RBFOX1: variants seen among roughly 807,000 people sequenced by gnomAD.
RBFOX1 encodes RNA binding fox-1 homolog 1.
A neutral mutation model predicts 57.7 loss-of-function variants in RBFOX1; 8 were observed. The observed-to-expected ratio is 0.14, with a 90% CI of 0.08 to 0.25. The LOEUF is 0.25. RBFOX1 is among the 10% of genes least tolerant of loss of function. The pLI is 1.00. For missense variants in RBFOX1, 611 were observed against 548.5 expected, an observed-to-expected ratio of 1.11 and a Z score of -1.14; for synonymous variants, 326 against 222.4, an observed-to-expected ratio of 1.47 and a Z score of -4.15.
At chr16:7,040,931 G>T (rs373993953) in intron 3 of RBFOX1, among the ~76,000 whole-genome samples, 11 of 150,438 alleles carry the variant, frequency 7.3e-5, no homozygotes, top group South Asian at 2.1e-4. Flanking sequence ...TTTTTGCTGG[G>T]GGGGGAAGGA....
At chr16:5,952,605 C>T (rs113201604) in intron 4 of RBFOX1, among the ~76,000 whole-genome samples, 1,564 of 152,210 alleles carry the variant, frequency 0.01, 25 homozygotes, top group African/African-American at 0.036. Flanking sequence ...TATTTTTGTT[C>T]TTATGTTATT....
chr16:5,334,970 C>T (rs2064858570), intron 1 of RBFOX1, among the ~76,000 whole-genome samples: 1 of 152,080 alleles, frequency 6.6e-6, no homozygotes, highest in Admixed American at 6.5e-5. Flanking sequence ...GTAGTATAGA[C>T]TTCAAGTAGA....
At chr16:7,335,926 T>A (rs2096778498) in intron 4 of RBFOX1, among the ~76,000 whole-genome samples, 1 of 152,190 alleles carries the variant, frequency 6.6e-6, no homozygotes, top group Non-Finnish European at 1.5e-5. Flanking sequence ...GCTGAACCTG[T>A]CTGGACTGTC....
At chr16:6,724,460 G>A (rs140089120) in intron 3 of RBFOX1, among the ~76,000 whole-genome samples, 14 of 151,900 alleles carry the variant, frequency 9.2e-5, no homozygotes, top group Admixed American at 7.9e-4. Context: ...CACCCACCTC[G>A]TCCTCCCAAA....
chr16:6,796,333 A>G (rs1438335868), intron 3 of RBFOX1, among the ~76,000 whole-genome samples: 1 of 152,150 alleles, frequency 6.6e-6, no homozygotes, highest in Non-Finnish European at 1.5e-5. Context: ...TCAAGACGAC[A>G]TGTGAGTGGG....
intron 1 of RBFOX1, among the ~76,000 whole-genome samples, chr16:6,188,157 A>G (rs2152804336): frequency 6.6e-6 from 1 of 152,250 alleles, no homozygotes. Context: ...TCTTCTATGT[A>G]TGCTCAGTTG....
intron 3 of RBFOX1, among the ~76,000 whole-genome samples, chr16:5,738,918 A>C (rs143916447): frequency 7.1e-4 from 108 of 152,338 alleles, no homozygotes; most frequent in African/African-American, 2.6e-3. Context: ...GGATGAACTC[A>C]AAGCAAAATT....
rs558696211 is a variant in RBFOX1, at chr16:6,902,733, G to C, written c.-15-149324G>C. Among the ~76,000 whole-genome samples, 14 of 152,276 alleles carry C rather than the reference G, an allele frequency of 9.2e-5. No homozygotes were observed. In the South Asian group the frequency reaches 2.9e-3, roughly 32 times the overall value. On this transcript the variant is annotated intron_variant, in intron 3 of 15. Coordinates refer to ENST00000550418, the MANE Select transcript of RBFOX1 (RefSeq NM_018723.4). Reference sequence around the variant, plus strand: ...CAAGACTCCATGTAGAGAACAGGAAGAAGTGGTTTCCATACACATCAAGTT... The same window carrying C: ...CAAGACTCCATGTAGAGAACAGGAACAAGTGGTTTCCATACACATCAAGTT...
At chr16:6,736,806 C>G (rs902735375) in intron 3 of RBFOX1, among the ~76,000 whole-genome samples, 1 of 152,152 alleles carries the variant, frequency 6.6e-6, no homozygotes, top group Admixed American at 6.5e-5. Context: ...GTATGGAATG[C>G]TGTATTCATA....
intron 4 of RBFOX1, among the ~76,000 whole-genome samples, chr16:7,407,404 G>A (rs9940836): frequency 7.0e-6 from 1 of 143,404 alleles, no homozygotes; most frequent in Admixed American, 6.8e-5. Flanking sequence ...GTGTGTGTGT[G>A]TATGTGTGTG....
intron 2 of RBFOX1, among the ~76,000 whole-genome samples, chr16:6,624,407 A>G (rs72762952): frequency 2.0e-3 from 298 of 152,216 alleles, no homozygotes; most frequent in Middle Eastern, 3.4e-3. Context: ...AGTATCCTTC[A>G]TTATATATGT....
intron 3 of RBFOX1, among the ~76,000 whole-genome samples, chr16:6,977,951 A>AAAAAAAAAAAG (rs2087545758): frequency 6.7e-6 from 1 of 149,926 alleles, no homozygotes; most frequent in Non-Finnish European, 1.5e-5. Context: ...AAAAAAAAAA[A>AAAAAAAAAAAG]GGCAAACCTC....
intron 1 of RBFOX1, chr16:5,261,110 G>A (rs1479886422): frequency 6.6e-6 from 1 of 152,114 alleles, no homozygotes; most frequent in Non-Finnish European, 1.5e-5. Context: ...TTAAAACCAC[G>A]TTTCAATTTT....
intron 3 of RBFOX1, among the ~76,000 whole-genome samples, chr16:5,711,763 A>G (rs1339274724): frequency 3.9e-5 from 6 of 152,308 alleles, no homozygotes; most frequent in African/African-American, 1.4e-4. Flanking sequence ...TTTTGAGGAA[A>G]ATTGCTGTAA....
Position 7,712,333 on chromosome 16 carries a change from C to T in RBFOX1, c.*1588C>T, listed in dbSNP as rs1323747902. Reference sequence around the variant, plus strand: ...CCCGCACTTCAGTAAGTTATCAACTCTCACCGCTGTGAACCTGCCAATCCG... The same window carrying T: ...CCCGCACTTCAGTAAGTTATCAACTTTCACCGCTGTGAACCTGCCAATCCG... On this transcript the variant is annotated 3_prime_UTR_variant, in exon 16 of 16. Transcript: ENST00000550418. 1 of 152,632 alleles carries T rather than the reference C, an allele frequency of 6.6e-6. No individual in the cohort carries two copies. The highest frequency in any genetic ancestry group is 1.5e-5 in the Non-Finnish European group (1 of 68,064). The allele number at this position is 152,632 out of a possible 1,614,324, so 9.5% of individuals were successfully genotyped here.
At chr16:6,815,315 G>C (rs987230490) in intron 3 of RBFOX1, among the ~76,000 whole-genome samples, 5 of 152,116 alleles carry the variant, frequency 3.3e-5, no homozygotes, top group South Asian at 2.1e-4. Flanking sequence ...AGGTCTTTGT[G>C]CCCCGTATTG....
At chr16:6,537,923 G>C (rs1383394088) in intron 2 of RBFOX1, among the ~76,000 whole-genome samples, 1 of 151,612 alleles carries the variant, frequency 6.6e-6, no homozygotes, top group Non-Finnish European at 1.5e-5. Flanking sequence ...GGCCTAAAGA[G>C]CAAGATTTTT....
chr16:7,560,940 C>G (rs1412003984), intron 5 of RBFOX1, among the ~76,000 whole-genome samples: 2 of 152,132 alleles, frequency 1.3e-5, no homozygotes, highest in East Asian at 3.9e-4. Context: ...AATTATGTAT[C>G]CAAATGTTTT....
chr16:7,187,143 T>C (rs991668507), intron 4 of RBFOX1, among the ~76,000 whole-genome samples: 2 of 151,862 alleles, frequency 1.3e-5, no homozygotes, highest in African/African-American at 4.8e-5. Flanking sequence ...CACTCCAGCT[T>C]GGGCGATGGA....
Sources: gnomAD v4.1 joint callset for allele counts (sites outside exome capture counted in the v4.1 genomes callset) on GRCh38, gnomAD v4.1.1 for gene constraint, MANE v1.5 for transcripts, NCBI Gene and HGNC (gene_info 2026-07-23, HGNC 2026-07-21) for gene names.